DPP10: variants seen among roughly 807,000 people sequenced by gnomAD.
DPP10 encodes the protein inactive dipeptidyl peptidase 10.
Under a neutral mutation model 120.9 loss-of-function variants are expected in DPP10, and 33 were observed. The ratio of observed to expected loss-of-function variants is 0.27; its 90% CI spans 0.21 to 0.37. DPP10 has a LOEUF of 0.37. Ranked by LOEUF, DPP10 falls within the 10% of genes least tolerant of loss-of-function variation. The pLI, the probability that DPP10 is intolerant of heterozygous loss-of-function variation, is 1.00. For synonymous variants in DPP10, 337 were observed against 326.1 expected, an observed-to-expected ratio of 1.03 and a Z score of -0.36; for missense variants, 816 against 942.8, an observed-to-expected ratio of 0.87 and a Z score of 1.76.
chr2:115,275,200 G>A (rs955303444), intron 1 of DPP10, among the ~76,000 whole-genome samples: 2 of 152,200 alleles, frequency 1.3e-5, no homozygotes, highest in African/African-American at 4.8e-5. Context: ...TACTGAAGAC[G>A]TGAAATTGCT....
chr2:114,530,432 A>G (rs1685870170), intron 1 of DPP10, among the ~76,000 whole-genome samples: 1 of 152,188 alleles, frequency 6.6e-6, no homozygotes, highest in Non-Finnish European at 1.5e-5. Flanking sequence ...GCCTTCCATG[A>G]TTATTATCGA....
At chr2:115,716,570 A>C (rs1559067514) in intron 7 of DPP10, among the ~76,000 whole-genome samples, 2 of 152,296 alleles carry the variant, frequency 1.3e-5, no homozygotes, top group South Asian at 2.1e-4. Context: ...ATTACATTTA[A>C]GTTCATAAGA....
intron 1 of DPP10, among the ~76,000 whole-genome samples, chr2:114,670,563 G>T (rs1326779933): frequency 1.3e-5 from 2 of 152,008 alleles, no homozygotes; most frequent in Non-Finnish European, 2.9e-5. Flanking sequence ...ATAGCATTAG[G>T]AGATATACCT....
intron 19 of DPP10, among the ~76,000 whole-genome samples, chr2:115,793,502 T>A (rs1684215188): frequency 6.6e-6 from 1 of 152,046 alleles, no homozygotes; most frequent in Non-Finnish European, 1.5e-5. Context: ...ATGCAAAAAC[T>A]GCAATTGCTT....
chr2:115,788,777 G>T lies in DPP10; in HGVS notation c.1532-2304G>T, dbSNP rs557827528. ...AGCTAGTTTCACTGGTGCATTTTAT[G>T]CAACTTTTAATAAGTTAATACCAAG... On this transcript the variant is annotated intron_variant, in intron 17 of 25. Coordinates refer to ENST00000410059, the MANE Select transcript of DPP10 (RefSeq NM_020868.6). Among the ~76,000 whole-genome samples the T allele has an allele frequency of 1.6e-4, 24 of 152,250 alleles. No homozygotes were observed. In the South Asian group the frequency reaches 3.1e-3, roughly 20 times the overall value.
At position 114,703,183 on chromosome 2, in the gene DPP10, A is replaced by G. The variant is rs1700488283; in HGVS notation, c.60+260345A>G. On this transcript the variant is annotated intron_variant, in intron 1 of 25. Coordinates refer to ENST00000410059, the MANE Select transcript of DPP10 (RefSeq NM_020868.6). ...ATGTTGTAATTAAATGGTTTTATTG[A>G]CATAGAGTTTTACATTAACGAAGCA... 2.0e-5 allele frequency among the ~76,000 whole-genome samples: 3 copies of G among 152,316 alleles called. No individual in the cohort carries two copies. In the South Asian group the frequency reaches 6.2e-4, roughly 32 times the overall value.
intron 1 of DPP10, among the ~76,000 whole-genome samples, chr2:115,015,209 G>A (rs1209906964): frequency 1.3e-5 from 2 of 152,066 alleles, no homozygotes; most frequent in Admixed American, 6.6e-5. Flanking sequence ...ATGCAAATCA[G>A]TAAACGTAAC....
At chr2:114,497,357 A>G (rs536041742) in intron 1 of DPP10, among the ~76,000 whole-genome samples, 24 of 123,054 alleles carry the variant, frequency 2.0e-4, no homozygotes, top group African/African-American at 6.7e-4. Context: ...ACACATGTAC[A>G]TATACATACA....
At chr2:115,535,445 G>C (rs1276551982) in intron 5 of DPP10, among the ~76,000 whole-genome samples, 3 of 151,942 alleles carry the variant, frequency 2.0e-5, no homozygotes, top group African/African-American at 7.3e-5. Context: ...TTATTTCTGA[G>C]GGCTCTGTTC....
chr2:115,353,208 C>T (rs558653507), intron 3 of DPP10, among the ~76,000 whole-genome samples: 9 of 151,906 alleles, frequency 5.9e-5, no homozygotes, highest in South Asian at 2.1e-4. Context: ...AAAATTCAGT[C>T]GCAGTCTAGA....
rs775985067 is a variant in DPP10, at chr2:115,088,768, A to AAAAAAAAAAAAAAAAC, written c.61-220470_61-220469insAAAAAAAAAAAAAACA. On this transcript the variant is annotated intron_variant, in intron 1 of 25. Transcript: ENST00000410059. Reference sequence around the variant, plus strand: ...TGCCTGACAAAAAAAAAAAAAAAAAAACCAAAAAACAAAAAAAACCTTAAA... The same window carrying AAAAAAAAAAAAAAAAC: ...TGCCTGACAAAAAAAAAAAAAAAAAAAAAAAAAAAAAAAAACACCAAAAAACAAAAAAAACCTTAAA... Among the ~76,000 whole-genome samples, 325 of 134,780 alleles carry AAAAAAAAAAAAAAAAC rather than the reference A, an allele frequency of 2.4e-3. 15 individuals are homozygous for AAAAAAAAAAAAAAAAC. Among genetic ancestry groups the AAAAAAAAAAAAAAAAC allele is most frequent in the East Asian group, 4.3e-3 (19 of 4,454 alleles). 88.4% of individuals were successfully genotyped at this position (134,780 alleles called of 152,430 possible). A position where few individuals can be genotyped will look rare whatever the true frequency, so the allele number is the denominator to read the frequency against.
chr2:115,059,271 A>T (rs887510739), intron 1 of DPP10, among the ~76,000 whole-genome samples: 1 of 152,148 alleles, frequency 6.6e-6, no homozygotes, highest in Non-Finnish European at 1.5e-5. Context: ...TTCTTAATAA[A>T]TCACGCAAGT....
At chr2:115,680,738 T>C (rs904357982) in intron 5 of DPP10, among the ~76,000 whole-genome samples, 1 of 151,946 alleles carries the variant, frequency 6.6e-6, no homozygotes, top group African/African-American at 2.4e-5. Flanking sequence ...TTAAAAATTA[T>C]CTGTGGAAAA....
chr2:114,533,513 T>G (rs1686217550), intron 1 of DPP10, among the ~76,000 whole-genome samples: 1 of 151,974 alleles, frequency 6.6e-6, no homozygotes, highest in Admixed American at 6.6e-5. Context: ...TAGTGCCTGG[T>G]GGGCTTAATA....
chr2:115,645,968 A>G (rs2087209509), intron 5 of DPP10, among the ~76,000 whole-genome samples: 1 of 152,220 alleles, frequency 6.6e-6, no homozygotes, highest in East Asian at 1.9e-4. Context: ...TCTAAATATC[A>G]TAAGGCGTTA....
intron 1 of DPP10, among the ~76,000 whole-genome samples, chr2:114,493,827 T>C (rs1682222473): frequency 6.6e-6 from 1 of 152,118 alleles, no homozygotes; most frequent in African/African-American, 2.4e-5. Flanking sequence ...CTACAGGCCA[T>C]GAACGATGGT....
In DPP10 at chr2:114,738,175, C is replaced by G. The variant is rs188122553; in HGVS notation, c.60+295337C>G. Reference sequence around the variant, plus strand: ...AGGAAGTCTGCTCCTGTGATTCAATCACCTCCCACCAGGCCCCTCTTTCAA... The same window carrying G: ...AGGAAGTCTGCTCCTGTGATTCAATGACCTCCCACCAGGCCCCTCTTTCAA... On this transcript the variant is annotated intron_variant, in intron 1 of 25. Coordinates refer to ENST00000410059, the MANE Select transcript of DPP10 (RefSeq NM_020868.6). Among the ~76,000 whole-genome samples, 674 of 152,286 alleles carry G rather than the reference C, an allele frequency of 4.4e-3. 10 individuals carry two copies. Among genetic ancestry groups the G allele is most frequent in the Non-Finnish European group, 3.3e-3 (227 of 68,024 alleles).
At chr2:115,027,000 T>C (rs1703510062) in intron 1 of DPP10, among the ~76,000 whole-genome samples, 1 of 152,230 alleles carries the variant, frequency 6.6e-6, no homozygotes, top group Non-Finnish European at 1.5e-5. Flanking sequence ...ATTTCTTTTA[T>C]CAATGTTTTA....
intron 1 of DPP10, among the ~76,000 whole-genome samples, chr2:115,015,496 G>A (rs1702570240): frequency 6.6e-6 from 1 of 152,074 alleles, no homozygotes; most frequent in African/African-American, 2.4e-5. Context: ...GGAAGTTCTG[G>A]CCAGGGCAAT....
Sources: allele counts gnomAD v4.1 joint callset (sites outside exome capture counted in the v4.1 genomes callset), GRCh38; gene constraint gnomAD v4.1.1; transcripts MANE v1.5; gene names NCBI Gene and HGNC (gene_info 2026-07-23, HGNC 2026-07-21).